DLC1: variants seen among roughly 807,000 people sequenced by gnomAD.
DLC1 encodes rho GTPase-activating protein 7.
Under a neutral mutation model 140.3 loss-of-function variants are expected in DLC1, and 54 were observed. That is an observed-to-expected ratio of 0.38 (90% CI 0.31 to 0.48). The LOEUF (loss-of-function observed/expected upper bound fraction) is 0.48. DLC1 is among the 20% of genes least tolerant of loss of function. The pLI, the probability that DLC1 is intolerant of heterozygous loss-of-function variation, is 0.96. For missense variants in DLC1, 2,536 were observed against 1,907.0 expected, an observed-to-expected ratio of 1.33 and a Z score of -6.14; for synonymous variants, 986 against 728.1, an observed-to-expected ratio of 1.35 and a Z score of -5.70.
chr8:13,407,938 C>A (rs1042747399), intron 2 of DLC1, among the ~76,000 whole-genome samples: 1 of 152,138 alleles, frequency 6.6e-6, no homozygotes, highest in African/African-American at 2.4e-5. Flanking sequence ...TCATTCTAGA[C>A]TTTCCTTTCT....
chr8:13,309,977 T>TA (rs911062365), intron 4 of DLC1, among the ~76,000 whole-genome samples: 153 of 152,328 alleles, frequency 1.0e-3, no homozygotes, highest in African/African-American at 3.7e-3. Context: ...TAATTTTCTT[T>TA]AATGTGTTAT....
rs1177639193 is a variant in DLC1 at position 13,088,475 on chromosome 8, G to T, written c.4292+12C>A. 1.2e-6 allele frequency: 2 copies of T among 1,613,792 alleles called. No homozygotes were observed. The highest frequency in any genetic ancestry group is 3.3e-5 in the Admixed American group (2 of 59,984). On this transcript the variant is annotated intron_variant, in intron 16 of 17. Transcript: ENST00000276297. ...CATCCTTGTCACAAAAAAACAACTG[G>T]GAAGCGCTCACCTTAAAACAACGTA...
At chr8:13,338,804 T>G (rs914983030) in intron 4 of DLC1, 1 of 152,172 alleles carries the variant, frequency 6.6e-6, no homozygotes, top group Non-Finnish European at 1.5e-5. Context: ...TACTCAATTA[T>G]TGAAATAATT....
At chr8:13,252,945 C>T (rs1830075963) in intron 5 of DLC1, among the ~76,000 whole-genome samples, 1 of 152,198 alleles carries the variant, frequency 6.6e-6, no homozygotes, top group South Asian at 2.1e-4. Context: ...GCTAATCCTA[C>T]CCTTCTGTGT....
At chr8:13,127,847 G>C (rs944438542) in intron 5 of DLC1, among the ~76,000 whole-genome samples, 1 of 152,224 alleles carries the variant, frequency 6.6e-6, no homozygotes, top group Non-Finnish European at 1.5e-5. Context: ...TCAAAGGTGG[G>C]GCAGGGCAGA....
At chr8:13,532,063 A>G (rs976413149) in intron 1 of DLC1, among the ~76,000 whole-genome samples, 4 of 152,184 alleles carry the variant, frequency 2.6e-5, no homozygotes, top group Admixed American at 2.6e-4. Context: ...TTTTGTGTAT[A>G]CTTTGAATTT....
rs572531776 is a variant in DLC1, at chr8:13,238,990, C to T, written c.1348+66279G>A. Among the ~76,000 whole-genome samples, 3 of 152,218 alleles carry T rather than the reference C, an allele frequency of 2.0e-5. No homozygotes were observed. In the East Asian group the frequency reaches 5.8e-4, roughly 29 times the overall value. The stretch of plus-strand genomic sequence containing the variant: ...CAGGGCACACAGTCTAGCTGGAAAG[C>T]TGAAACAAAACTCGGCAGTGTGATG... On this transcript the variant is annotated intron_variant, in intron 5 of 17. Transcript: ENST00000276297.
chr8:13,236,724 G>A (rs762665287), intron 5 of DLC1, among the ~76,000 whole-genome samples: 18 of 152,164 alleles, frequency 1.2e-4, no homozygotes, highest in African/African-American at 3.6e-4. Context: ...TGTGTGATAC[G>A]TAATGATTCC....
chr8:13,323,307 A>T (rs1470932113), intron 4 of DLC1, among the ~76,000 whole-genome samples: 1 of 152,256 alleles, frequency 6.6e-6, no homozygotes, highest in Non-Finnish European at 1.5e-5. Flanking sequence ...ACTATGACTC[A>T]ACTAAAAGTG....
At chr8:13,266,050 A>G (rs1019424678) in intron 5 of DLC1, among the ~76,000 whole-genome samples, 8 of 152,212 alleles carry the variant, frequency 5.3e-5, no homozygotes, top group African/African-American at 1.9e-4. Context: ...CTAAGTCATC[A>G]ATTTATACAC....
intron 1 of DLC1, among the ~76,000 whole-genome samples, chr8:13,583,466 T>C (rs567734444): frequency 2.7e-4 from 41 of 152,332 alleles, no homozygotes; most frequent in Admixed American, 7.2e-4. Flanking sequence ...CTTATAATTC[T>C]AGTTCTCTTG....
In DLC1 at chr8:13,382,528, A is replaced by AG. The variant is rs75756138; in HGVS notation, c.1314+11024_1314+11025insC. On this transcript the variant is annotated intron_variant, in intron 4 of 17. Transcript: ENST00000276297. Reference sequence around the variant, plus strand: ...CTCAAAAAAAAAAAAAAAAAAAAAAAAAAAGAAAGAGGAGACAGATAAGCT... The same window carrying AG: ...CTCAAAAAAAAAAAAAAAAAAAAAAAGAAAAGAAAGAGGAGACAGATAAGCT... Among the ~76,000 whole-genome samples the AG allele has an allele frequency of 5.5e-3, 816 of 149,096 alleles. 106 individuals are homozygous for AG. Among genetic ancestry groups the AG allele is most frequent in the African/African-American group, 0.019 (774 of 40,456 alleles).
intron 1 of DLC1, among the ~76,000 whole-genome samples, chr8:13,594,428 C>T (rs2117481706): frequency 6.6e-6 from 1 of 152,196 alleles, no homozygotes; most frequent in African/African-American, 2.4e-5. Flanking sequence ...TTCCTTGCTT[C>T]TGTTACTACT....
chr8:13,549,474 C>T (rs145680708), intron 1 of DLC1, among the ~76,000 whole-genome samples: 1 of 152,216 alleles, frequency 6.6e-6, no homozygotes, highest in East Asian at 1.9e-4. Context: ...ATTACATTTT[C>T]ACCATCTGTG....
At chr8:13,283,137 G>T (rs148418436) in intron 5 of DLC1, among the ~76,000 whole-genome samples, 240 of 152,222 alleles carry the variant, frequency 1.6e-3, no homozygotes, top group African/African-American at 5.6e-3. Flanking sequence ...ATTTCTCTAT[G>T]TTAACATAAC....
At chr8:13,255,317 G>A (rs1830175777) in intron 5 of DLC1, among the ~76,000 whole-genome samples, 1 of 152,132 alleles carries the variant, frequency 6.6e-6, no homozygotes, top group Admixed American at 6.5e-5. Context: ...AATGGGGATA[G>A]TAAGACCTAT....
At chr8:13,402,428 G>C (rs1837337950) in intron 2 of DLC1, among the ~76,000 whole-genome samples, 1 of 152,162 alleles carries the variant, frequency 6.6e-6, no homozygotes, top group Non-Finnish European at 1.5e-5. Context: ...TGTTGTACAA[G>C]GTATTAGGAT....
chr8:13,162,468 G>C (rs147207279), intron 5 of DLC1, among the ~76,000 whole-genome samples: 2,473 of 152,224 alleles, frequency 0.016, 67 homozygotes, highest in African/African-American at 0.056. Context: ...GATTACAGGT[G>C]CCTGCCACCA....
intron 5 of DLC1, among the ~76,000 whole-genome samples, chr8:13,147,359 G>A (rs1823510165): frequency 6.6e-6 from 1 of 152,174 alleles, no homozygotes; most frequent in Non-Finnish European, 1.5e-5. Flanking sequence ...AGTGAATTGA[G>A]TATTTCTCTG....
Sources: allele counts gnomAD v4.1 joint callset (sites outside exome capture counted in the v4.1 genomes callset), GRCh38; gene constraint gnomAD v4.1.1; transcripts MANE v1.5; gene names NCBI Gene and HGNC (gene_info 2026-07-23, HGNC 2026-07-21).